The following ITFG1 variants were observed in gnomAD, a reference collection of about 807,000 sequenced individuals.
ITFG1 encodes the protein integrin alpha FG-GAP repeat containing 1.
Under a neutral mutation model 81.8 loss-of-function variants are expected in ITFG1, and 34 were observed. That is an observed-to-expected ratio of 0.42 (90% CI 0.32 to 0.55). The LOEUF (loss-of-function observed/expected upper bound fraction) is 0.55, where lower values mean the gene tolerates loss of function less well. Ranked by LOEUF, ITFG1 falls within the 20% of genes least tolerant of loss-of-function variation. ITFG1 has a pLI of 0.17. For synonymous variants in ITFG1, 285 were observed against 270.6 expected (o/e 1.05, Z -0.52); for missense variants, 672 against 755.4 (o/e 0.89, Z 1.29).
At chr16:47,441,473 T>G (rs1254773926) in intron 5 of ITFG1, among the ~76,000 whole-genome samples, 2 of 152,122 alleles carry the variant, frequency 1.3e-5, no homozygotes, top group East Asian at 1.9e-4. Context: ...TCAAAAAGCT[T>G]ATCCACCATG....
intron 7 of ITFG1, among the ~76,000 whole-genome samples, chr16:47,369,356 C>T (rs1174114059): frequency 6.6e-6 from 1 of 152,170 alleles, no homozygotes; most frequent in Non-Finnish European, 1.5e-5. Context: ...ATTCATCGTT[C>T]TAGGCTTCAG....
chr16:47,367,936 T>G (rs1045092695), intron 7 of ITFG1, among the ~76,000 whole-genome samples: 4 of 152,134 alleles, frequency 2.6e-5, no homozygotes, highest in Non-Finnish European at 4.4e-5. Flanking sequence ...GCTTTTTCAT[T>G]TTAGAAAGAT....
intron 14 of ITFG1, among the ~76,000 whole-genome samples, chr16:47,215,079 G>A (rs1466971314): frequency 1.3e-5 from 2 of 152,046 alleles, no homozygotes; most frequent in Non-Finnish European, 2.9e-5. Context: ...TACTCTAAAA[G>A]CTACTACATT....
intron 14 of ITFG1, among the ~76,000 whole-genome samples, chr16:47,175,909 C>A (rs1443737883): frequency 1.3e-5 from 2 of 152,140 alleles, no homozygotes; most frequent in Non-Finnish European, 2.9e-5. Context: ...TACCACTGTG[C>A]CCGGCTAATG....
chr16:47,422,126 C>T (rs956918088), intron 6 of ITFG1, among the ~76,000 whole-genome samples: 1 of 152,122 alleles, frequency 6.6e-6, no homozygotes, highest in African/African-American at 2.4e-5. Context: ...GTGAACAGTG[C>T]CACAATAAAC....
chr16:47,454,977 A>C (rs1191979524), intron 2 of ITFG1, among the ~76,000 whole-genome samples: 1 of 152,188 alleles, frequency 6.6e-6, no homozygotes, highest in Non-Finnish European at 1.5e-5. Context: ...TCTCCCTCTC[A>C]CTCAGCAAGG....
chr16:47,446,498 A>C (rs1441055124), intron 5 of ITFG1, among the ~76,000 whole-genome samples: 2 of 152,164 alleles, frequency 1.3e-5, no homozygotes, highest in Non-Finnish European at 2.9e-5. Context: ...TGCAACAGTA[A>C]GACTACACCT....
At chr16:47,459,700 A>T (rs1284439805) in intron 1 of ITFG1, among the ~76,000 whole-genome samples, 1 of 152,184 alleles carries the variant, frequency 6.6e-6, no homozygotes, top group Non-Finnish European at 1.5e-5. Context: ...AGAGGGTGAC[A>T]CATTCTTGGA....
chr16:47,426,771 C>T (rs1969026272), intron 6 of ITFG1, among the ~76,000 whole-genome samples: 1 of 151,814 alleles, frequency 6.6e-6, no homozygotes, highest in Non-Finnish European at 1.5e-5. Context: ...ATAATCAATC[C>T]AGAATTAAGA....
chr16:47,353,187 T>G (rs990522756), intron 8 of ITFG1, among the ~76,000 whole-genome samples: 1 of 151,912 alleles, frequency 6.6e-6, no homozygotes, highest in Non-Finnish European at 1.5e-5. Flanking sequence ...TGTGCACATG[T>G]ACCCTAGAAC....
chr16:47,296,814 G>A (rs1244140584), intron 10 of ITFG1, among the ~76,000 whole-genome samples: 1 of 152,188 alleles, frequency 6.6e-6, no homozygotes, highest in Non-Finnish European at 1.5e-5. Context: ...TACTTGACAT[G>A]AGTTTGATTT....
At chr16:47,414,390 G>C (rs1322106377) in intron 6 of ITFG1, among the ~76,000 whole-genome samples, 1 of 152,000 alleles carries the variant, frequency 6.6e-6, no homozygotes, top group Non-Finnish European at 1.5e-5. Flanking sequence ...GCTGGGTGTG[G>C]TGATGCATGC....
intron 6 of ITFG1, among the ~76,000 whole-genome samples, chr16:47,385,114 A>G (rs1968444658): frequency 6.6e-6 from 1 of 152,242 alleles, no homozygotes; most frequent in Non-Finnish European, 1.5e-5. Context: ...TCGTTTTAAG[A>G]AGTTATTATA....
At chr16:47,333,877 T>G (rs763097848) in intron 8 of ITFG1, among the ~76,000 whole-genome samples, 21 of 152,240 alleles carry the variant, frequency 1.4e-4, no homozygotes, top group Non-Finnish European at 2.8e-4. Context: ...TATAATGGTT[T>G]CAACTGAGAT....
At chr16:47,351,051 G>A (rs891076961) in intron 8 of ITFG1, among the ~76,000 whole-genome samples, 12 of 152,114 alleles carry the variant, frequency 7.9e-5, no homozygotes, top group Non-Finnish European at 1.8e-4. Flanking sequence ...GGTATTGATG[G>A]GATGTATCTC....
At chr16:47,365,939 T>C (rs570181104) in intron 7 of ITFG1, 70 bp from the exon 8 acceptor site, 3 of 812,600 alleles carry the variant, frequency 3.7e-6, no homozygotes, top group Non-Finnish European at 6.3e-6. Flanking sequence ...AAACAAAGCA[T>C]TCTAACTGAA....
chr16:47,324,562 A>G (rs2151570182), intron 8 of ITFG1, among the ~76,000 whole-genome samples: 1 of 152,302 alleles, frequency 6.6e-6, no homozygotes, highest in Non-Finnish European at 1.5e-5. Flanking sequence ...AAGAGTCAAG[A>G]CCCATCAGTG....
intron 6 of ITFG1, among the ~76,000 whole-genome samples, chr16:47,393,497 G>A (rs578099037): frequency 2.0e-5 from 3 of 152,110 alleles, no homozygotes; most frequent in African/African-American, 4.8e-5. Context: ...TTGGGAGGCC[G>A]AGGTGGGAGA....
chr16:47,315,560 G>A (rs574225260), intron 8 of ITFG1, among the ~76,000 whole-genome samples: 2 of 152,062 alleles, frequency 1.3e-5, no homozygotes, highest in East Asian at 3.9e-4. Flanking sequence ...TTTCTTCCAA[G>A]TAGTTTCATA....
Sources: allele counts gnomAD v4.1 joint callset (sites outside exome capture counted in the v4.1 genomes callset), GRCh38; gene constraint gnomAD v4.1.1; transcripts MANE v1.5; gene names NCBI Gene and HGNC (gene_info 2026-07-23, HGNC 2026-07-21).